Variants in EEPD1 observed in about 807,000 individuals in gnomAD.
EEPD1 encodes endonuclease/exonuclease/phosphatase family domain-containing protein 1.
In EEPD1, 17 loss-of-function variants were observed where a neutral mutation model predicts 46.3. That is an observed-to-expected ratio of 0.37 (90% CI 0.25 to 0.55). EEPD1 has a LOEUF of 0.55. Ranked by LOEUF, EEPD1 falls within the 20% of genes least tolerant of loss-of-function variation. The probability of loss-of-function intolerance (pLI) is 0.83; values close to 1 mark genes in which losing one functional copy is unlikely to be tolerated. For synonymous variants in EEPD1, 313 were observed against 315.6 expected, an observed-to-expected ratio of 0.99 and a Z score of 0.09; for missense variants, 673 against 745.6, an observed-to-expected ratio of 0.90 and a Z score of 1.13.
intron 3 of EEPD1, among the ~76,000 whole-genome samples, chr7:36,262,842 T>C (rs1786950950): frequency 6.6e-6 from 1 of 152,154 alleles, no homozygotes; most frequent in Non-Finnish European, 1.5e-5. Context: ...TGTTTATCTG[T>C]TGGGAGACTG....
At chr7:36,219,214 G>T (rs1786088411) in intron 2 of EEPD1, among the ~76,000 whole-genome samples, 1 of 151,958 alleles carries the variant, frequency 6.6e-6, no homozygotes, top group South Asian at 2.1e-4. Flanking sequence ...GTGTCTATGA[G>T]TCTTCACCAT....
chr7:36,215,752 C>G (rs1786020124), intron 2 of EEPD1, among the ~76,000 whole-genome samples: 1 of 152,222 alleles, frequency 6.6e-6, no homozygotes, highest in Non-Finnish European at 1.5e-5. Context: ...AGGGCTGTTT[C>G]TGGGTGGGAG....
At chr7:36,178,296 AC>A (rs1181836657) in intron 2 of EEPD1, among the ~76,000 whole-genome samples, 1 of 152,220 alleles carries the variant, frequency 6.6e-6, no homozygotes, top group Non-Finnish European at 1.5e-5. Context: ...GTCCAGGCTC[AC>A]TGCCCAGCCT....
chr7:36,241,876 A>T (rs1425406186), intron 3 of EEPD1, among the ~76,000 whole-genome samples: 4 of 152,190 alleles, frequency 2.6e-5, no homozygotes, highest in Non-Finnish European at 5.9e-5. Flanking sequence ...CCAGAAAAAA[A>T]CCCAAAAATA....
At chr7:36,161,105 A>T (rs1483398515) in intron 2 of EEPD1, among the ~76,000 whole-genome samples, 1 of 152,152 alleles carries the variant, frequency 6.6e-6, no homozygotes, top group African/African-American at 2.4e-5. Flanking sequence ...TCTCTTCAGC[A>T]TCAATGACAA....
In EEPD1 at chr7:36,154,336, C is replaced by T. The variant is rs927473298; in HGVS notation, c.12C>T (p.Thr4=). 6.2e-7 allele frequency: 1 copy of T among 1,609,402 alleles called. No individual in the cohort carries two copies. The highest frequency in any genetic ancestry group is 2.2e-5 in the East Asian group (1 of 44,876). The part of the protein sequence containing the change: MGS[T]LGCHRSIPRD... ...GATCCTGGCGGACCATGGGGAGCAC[C>T]CTGGGCTGCCACCGCTCCATCCCCA... The change falls in exon 2 of 8, where the codon ACC becomes ACT. Residue 4 remains threonine (T), a synonymous_variant. Coordinates refer to ENST00000242108, the MANE Select transcript of EEPD1 (RefSeq NM_030636.3). The surrounding 1 kb of genome is among the most constrained non-coding windows in gnomAD (Gnocchi z 4.2).
In EEPD1 at chr7:36,299,340, C is replaced by G; in HGVS notation, c.*134C>G. 1 of 1,101,432 alleles carries G rather than the reference C, an allele frequency of 9.1e-7. No individual in the cohort carries two copies. The highest frequency in any genetic ancestry group is 1.3e-6 in the Non-Finnish European group (1 of 781,648). 68.2% of individuals were successfully genotyped at this position (1,101,432 alleles called of 1,614,324 possible). A position where few individuals can be genotyped will look rare whatever the true frequency, so the allele number is the denominator to read the frequency against. On this transcript the variant is annotated 3_prime_UTR_variant, in exon 8 of 8. Coordinates refer to ENST00000242108, the MANE Select transcript of EEPD1 (RefSeq NM_030636.3). Reference sequence around the variant, plus strand: ...GAGCATCAGCACTTGAGGCCTTGCCCCACGCCTTCTCTGTGGACCATTCAG... The same window carrying G: ...GAGCATCAGCACTTGAGGCCTTGCCGCACGCCTTCTCTGTGGACCATTCAG...
intron 3 of EEPD1, among the ~76,000 whole-genome samples, chr7:36,251,720 AC>A (rs1305229264): frequency 1.3e-5 from 2 of 152,336 alleles, no homozygotes; most frequent in African/African-American, 4.8e-5. Context: ...AGTTCATCTA[AC>A]AAATCATAGC....
At position 36,299,311 on chromosome 7, in the gene EEPD1, C is replaced by A; in HGVS notation, c.*105C>A. Reference sequence around the variant, plus strand: ...GCAGAGCTGCCTTTTAATTTTTATTCTCAGAGCATCAGCACTTGAGGCCTT... The same window carrying A: ...GCAGAGCTGCCTTTTAATTTTTATTATCAGAGCATCAGCACTTGAGGCCTT... On this transcript the variant is annotated 3_prime_UTR_variant, in exon 8 of 8. Transcript: ENST00000242108. 2 of 1,322,746 alleles carry A rather than the reference C, an allele frequency of 1.5e-6. No individual in the cohort carries two copies. Among genetic ancestry groups the A allele is most frequent in the Non-Finnish European group, 2.1e-6 (2 of 970,690 alleles). 81.9% of individuals were successfully genotyped at this position (1,322,746 alleles called of 1,614,324 possible).
chr7:36,208,953 G>A lies in EEPD1; in HGVS notation c.879-30032G>A, dbSNP rs531139347. On this transcript the variant is annotated intron_variant, in intron 2 of 7. Transcript: ENST00000242108. ...AAGCTCCTGGGTGATCCCCGTGCAC[G>A]CTAAAGCTTGGGAACCTCTCCTGGA... is the stretch of plus-strand genomic sequence containing the variant. Among the ~76,000 whole-genome samples the A allele has an allele frequency of 7.2e-5, 11 of 152,294 alleles. No individual in the cohort carries two copies. The South Asian group carries it at 8.3e-4, about 11-fold the overall frequency.
chr7:36,296,957 C>G, intron 6 of EEPD1, 36 bp from the exon 7 acceptor site: 2 of 1,607,286 alleles, frequency 1.2e-6, no homozygotes, highest in South Asian at 1.1e-5. Context: ...TACTTCCCAA[C>G]AACTCTTAAA....
chr7:36,278,121 GA>G (rs1168463246), intron 3 of EEPD1, among the ~76,000 whole-genome samples: 1 of 152,146 alleles, frequency 6.6e-6, no homozygotes, highest in Non-Finnish European at 1.5e-5. Context: ...TAGAGCCTGA[GA>G]ATTTGCATTT....
intron 3 of EEPD1, among the ~76,000 whole-genome samples, chr7:36,271,720 C>CTTCT (rs60503175): frequency 1.0e-3 from 58 of 55,258 alleles, no homozygotes; most frequent in South Asian, 2.1e-3. Flanking sequence ...CCTAGGTTTT[C>CTTCT]ATGGTTTTAG....
At chr7:36,251,608 C>T (rs1202601883) in intron 3 of EEPD1, among the ~76,000 whole-genome samples, 1 of 152,148 alleles carries the variant, frequency 6.6e-6, no homozygotes, top group Non-Finnish European at 1.5e-5. Flanking sequence ...CTGTGCCTGG[C>T]CCCCTACTGG....
At chr7:36,162,703 C>T (rs1179386104) in intron 2 of EEPD1, among the ~76,000 whole-genome samples, 1 of 152,082 alleles carries the variant, frequency 6.6e-6, no homozygotes, top group Non-Finnish European at 1.5e-5. Context: ...ACTACAATTC[C>T]CCAACTAATA....
chr7:36,174,567 T>G (rs1397604702), intron 2 of EEPD1, among the ~76,000 whole-genome samples: 1 of 152,180 alleles, frequency 6.6e-6, no homozygotes, highest in Non-Finnish European at 1.5e-5. Flanking sequence ...AGCTGCTGGA[T>G]GAGGAGGGGT....
chr7:36,223,816 G>T (rs1185619369), intron 2 of EEPD1, among the ~76,000 whole-genome samples: 4 of 152,168 alleles, frequency 2.6e-5, no homozygotes, highest in African/African-American at 9.7e-5. Flanking sequence ...TGAATACTTA[G>T]TTTAGCTTTA....
intron 2 of EEPD1, among the ~76,000 whole-genome samples, chr7:36,172,617 GTTTT>G (rs70977113): frequency 0.012 from 1,166 of 100,078 alleles, 9 homozygotes; most frequent in East Asian, 0.025. Context: ...AATATTATGA[GTTTT>G]TTTTTTTTTT....
intron 2 of EEPD1, among the ~76,000 whole-genome samples, chr7:36,227,718 T>C (rs1456392601): frequency 6.6e-6 from 1 of 152,102 alleles, no homozygotes; most frequent in African/African-American, 2.4e-5. Flanking sequence ...GACGGGAGTT[T>C]TGCTCTTGTT....
Sources: allele counts gnomAD v4.1 joint callset (sites outside exome capture counted in the v4.1 genomes callset), GRCh38; gene constraint gnomAD v4.1.1; non-coding constraint Gnocchi (gnomAD v3.1); transcripts MANE v1.5; gene names NCBI Gene and HGNC (gene_info 2026-07-23, HGNC 2026-07-21).